MTUS2: variants seen among roughly 807,000 people sequenced by gnomAD.
The protein encoded by MTUS2 is microtubule associated scaffold protein 2.
In MTUS2, 40 loss-of-function variants were observed where a neutral mutation model predicts 114.1. The observed-to-expected ratio is 0.35, with a 90% CI of 0.27 to 0.46. The LOEUF is 0.46. MTUS2 is among the 20% of genes least tolerant of loss of function. The pLI is 1.00. For synonymous variants in MTUS2, 688 were observed against 672.0 expected, an observed-to-expected ratio of 1.02 and a Z score of -0.37; for missense variants, 1,679 against 1,705.4, an observed-to-expected ratio of 0.98 and a Z score of 0.27.
At chr13:29,057,235 A>G (rs914490862) in intron 4 of MTUS2, among the ~76,000 whole-genome samples, 1 of 152,058 alleles carries the variant, frequency 6.6e-6, no homozygotes, top group African/African-American at 2.4e-5. Context: ...TCGATTTTAG[A>G]GTATATGCCA....
chr13:29,495,265 C>T (rs1188283470), intron 12 of MTUS2, among the ~76,000 whole-genome samples: 2 of 132,144 alleles, frequency 1.5e-5, no homozygotes, highest in African/African-American at 2.9e-5. Flanking sequence ...GGCTGAGGCA[C>T]GAGAATCACT....
chr13:29,189,450 A>G (rs977730723), intron 5 of MTUS2, among the ~76,000 whole-genome samples: 3 of 152,116 alleles, frequency 2.0e-5, no homozygotes, highest in Admixed American at 2.0e-4. Context: ...AGGGCTGTAA[A>G]GCTATCTTTG....
intron 4 of MTUS2, chr13:29,072,004 A>G (rs934241834): frequency 1.3e-5 from 2 of 152,116 alleles, no homozygotes; most frequent in African/African-American, 4.8e-5. Context: ...CTTCCCTTGG[A>G]TCTGTATCTT....
chr13:29,452,276 T>G (rs4769741), intron 9 of MTUS2, among the ~76,000 whole-genome samples: 70,975 of 152,054 alleles, frequency 0.47, 17,735 homozygotes, highest in East Asian at 0.85. Context: ...CAACATATTT[T>G]TTGATATTTA....
At chr13:29,313,823 G>C (rs1899874848) in intron 6 of MTUS2, among the ~76,000 whole-genome samples, 1 of 152,108 alleles carries the variant, frequency 6.6e-6, no homozygotes, top group Non-Finnish European at 1.5e-5. Context: ...AGAGCAGACA[G>C]ATCACACACA....
chr13:29,011,563 C>T (rs535196761), intron 2 of MTUS2, among the ~76,000 whole-genome samples: 1 of 152,302 alleles, frequency 6.6e-6, no homozygotes, highest in Non-Finnish European at 1.5e-5. Flanking sequence ...CAGTCATTCT[C>T]CCCAGCATAT....
At chr13:29,032,919 G>T (rs1245772881) in intron 3 of MTUS2, among the ~76,000 whole-genome samples, 1 of 152,044 alleles carries the variant, frequency 6.6e-6, no homozygotes, top group Middle Eastern at 3.2e-3. Flanking sequence ...TAACTTAAAG[G>T]AATAGTTTAT....
chr13:29,169,906 C>G (rs1893481858), intron 5 of MTUS2, among the ~76,000 whole-genome samples: 1 of 152,204 alleles, frequency 6.6e-6, no homozygotes, highest in African/African-American at 2.4e-5. Flanking sequence ...CCTCGCCTAG[C>G]TAAGTCCCCC....
chr13:29,171,154 G>A (rs2139119569), intron 5 of MTUS2, among the ~76,000 whole-genome samples: 1 of 151,938 alleles, frequency 6.6e-6, no homozygotes, highest in East Asian at 1.9e-4. Flanking sequence ...GTGTGTGTGT[G>A]TGTGTATGTG....
At position 28,976,226 on chromosome 13, in the gene MTUS2, AAAAG is replaced by A. The variant is rs1302546842; in HGVS notation, c.-242-48228_-242-48225del. ...CTCAAAAAAAAAAAAAAAAAAAAAG[AAAAG>A]AAGAAAAAAAGAATTAGAGAAATAA... is the stretch of plus-strand genomic sequence containing the variant. On this transcript the variant is annotated intron_variant, in intron 2 of 15. Transcript: ENST00000612955. 5.8e-3 allele frequency among the ~76,000 whole-genome samples: 558 copies of A among 95,670 alleles called. 7 individuals carry two copies. The highest frequency in any genetic ancestry group is 0.022 in the African/African-American group (530 of 24,390). The allele number at this position is 95,670 out of a possible 152,430, so 62.8% of individuals were successfully genotyped here.
chr13:29,126,895 G>A lies in MTUS2; in HGVS notation c.2644+25925G>A, dbSNP rs561289826. Reference sequence around the variant, plus strand: ...TGTGGTTAATGGTACCCATATCACAGGGCGATTGTGAGGATTAAAGAGAAA... The same window carrying A: ...TGTGGTTAATGGTACCCATATCACAAGGCGATTGTGAGGATTAAAGAGAAA... On this transcript the variant is annotated intron_variant, in intron 5 of 15. Coordinates refer to ENST00000612955, the MANE Select transcript of MTUS2 (RefSeq NM_001033602.4). Among the ~76,000 whole-genome samples, 23 of 152,306 alleles carry A rather than the reference G, an allele frequency of 1.5e-4. No individual in the cohort carries two copies. In the Middle Eastern group the frequency reaches 0.014, roughly 90 times the overall value.
chr13:28,912,238 G>C (rs574094634), intron 2 of MTUS2, among the ~76,000 whole-genome samples: 8 of 152,258 alleles, frequency 5.3e-5, no homozygotes, highest in African/African-American at 1.9e-4. Flanking sequence ...TGGCTAGCCA[G>C]TTCTCCCAGC....
chr13:29,097,023 C>T (rs1890206879), intron 4 of MTUS2, among the ~76,000 whole-genome samples: 1 of 152,170 alleles, frequency 6.6e-6, no homozygotes, highest in African/African-American at 2.4e-5. Context: ...GCCTCTACAA[C>T]ATGGAACTGG....
intron 9 of MTUS2, among the ~76,000 whole-genome samples, chr13:29,440,800 G>A (rs746965476): frequency 6.6e-6 from 1 of 152,096 alleles, no homozygotes; most frequent in Non-Finnish European, 1.5e-5. Context: ...ACCATGTGCA[G>A]GTGTGGCTTC....
intron 4 of MTUS2, among the ~76,000 whole-genome samples, chr13:29,035,549 T>C (rs1480072593): frequency 6.6e-6 from 1 of 152,218 alleles, no homozygotes; most frequent in Non-Finnish European, 1.5e-5. Flanking sequence ...CCCTGGTGCC[T>C]CCATCTTCAA....
chr13:28,830,528 G>T (rs1412121393), intron 1 of MTUS2, among the ~76,000 whole-genome samples: 1 of 151,996 alleles, frequency 6.6e-6, no homozygotes, highest in Non-Finnish European at 1.5e-5. Flanking sequence ...TACTAGAGAG[G>T]CTCATCAACA....
chr13:28,958,288 C>T (rs1344430550), intron 2 of MTUS2, among the ~76,000 whole-genome samples: 5 of 152,336 alleles, frequency 3.3e-5, no homozygotes, highest in South Asian at 2.1e-4. Context: ...CTGTACTTGG[C>T]GTGGGCTGCC....
intron 2 of MTUS2, among the ~76,000 whole-genome samples, chr13:28,930,285 C>T (rs978284343): frequency 2.6e-5 from 4 of 152,176 alleles, no homozygotes; most frequent in Admixed American, 6.5e-5. Flanking sequence ...AATTGGTCAT[C>T]GGCAGCCTCG....
intron 8 of MTUS2, among the ~76,000 whole-genome samples, chr13:29,373,952 T>A (rs1173853694): frequency 6.6e-6 from 1 of 152,220 alleles, no homozygotes; most frequent in Non-Finnish European, 1.5e-5. Flanking sequence ...AAGTAGCTAT[T>A]GCAGAATGCT....
Sources: allele counts gnomAD v4.1 joint callset (sites outside exome capture counted in the v4.1 genomes callset), GRCh38; gene constraint gnomAD v4.1.1; transcripts MANE v1.5; gene names NCBI Gene and HGNC (gene_info 2026-07-23, HGNC 2026-07-21).